STK32A: variants seen among roughly 807,000 people sequenced by gnomAD.
STK32A encodes the protein serine/threonine-protein kinase 32A.
A neutral mutation model predicts 53.2 loss-of-function variants in STK32A; 41 were observed. The ratio of observed to expected loss-of-function variants is 0.77; its 90% CI spans 0.60 to 1.00. The LOEUF (loss-of-function observed/expected upper bound fraction) is 1.00. STK32A is among the 50% of genes least tolerant of loss of function. STK32A has a pLI of 0.00. For synonymous variants in STK32A, 166 were observed against 162.8 expected, an observed-to-expected ratio of 1.02 and a Z score of -0.15; for missense variants, 458 against 485.8, an observed-to-expected ratio of 0.94 and a Z score of 0.54.
Position 147,316,638 on chromosome 5 carries a change from G to A in STK32A, c.261-7260G>A, listed in dbSNP as rs1754000855. Among the ~76,000 whole-genome samples, 5 of 152,006 alleles carry A rather than the reference G, an allele frequency of 3.3e-5. No homozygotes were observed. The South Asian group carries it at 1.0e-3, about 32-fold the overall frequency. On this transcript the variant is annotated intron_variant, in intron 4 of 12. Transcript: ENST00000397936. The stretch of plus-strand genomic sequence containing the variant: ...ATCATTTTGAAAAGTGGTAAATAAA[G>A]GAAAGACTTCAGTTCAAGACCAGTC...
intron 2 of STK32A, among the ~76,000 whole-genome samples, chr5:147,256,502 T>G (rs539443127): frequency 6.6e-6 from 1 of 152,212 alleles, no homozygotes; most frequent in East Asian, 1.9e-4. Flanking sequence ...TAAGTCTTTG[T>G]TTTTTTGTTG....
At chr5:147,308,113 AT>A (rs1048574651) in intron 4 of STK32A, among the ~76,000 whole-genome samples, 2 of 150,158 alleles carry the variant, frequency 1.3e-5, no homozygotes, top group African/African-American at 4.9e-5. Flanking sequence ...TCTTTTTAAA[AT>A]ATCAAATTTC....
chr5:147,291,669 C>T (rs1752606956), intron 4 of STK32A, among the ~76,000 whole-genome samples: 1 of 151,966 alleles, frequency 6.6e-6, no homozygotes, highest in South Asian at 2.1e-4. Flanking sequence ...CTTGTTGTAG[C>T]AGGAAATAAT....
chr5:147,378,425 A>C (rs776325282), intron 11 of STK32A, among the ~76,000 whole-genome samples: 1 of 152,152 alleles, frequency 6.6e-6, no homozygotes, highest in Non-Finnish European at 1.5e-5. Context: ...GCTGTGTTCA[A>C]AAGGCTTGTG....
chr5:147,319,711 T>G (rs1754204032), intron 4 of STK32A, among the ~76,000 whole-genome samples: 1 of 152,196 alleles, frequency 6.6e-6, no homozygotes, highest in Non-Finnish European at 1.5e-5. Flanking sequence ...CTTGCTATTC[T>G]TCAGGGATCT....
intron 4 of STK32A, among the ~76,000 whole-genome samples, chr5:147,310,156 T>C (rs998818091): frequency 2.0e-5 from 3 of 152,158 alleles, no homozygotes; most frequent in Non-Finnish European, 2.9e-5. Context: ...AAATAGAGAA[T>C]AGTAGAGCCC....
chr5:147,255,420 C>T (rs1754184950), intron 2 of STK32A, among the ~76,000 whole-genome samples: 2 of 152,076 alleles, frequency 1.3e-5, no homozygotes, highest in African/African-American at 4.8e-5. Flanking sequence ...ACACAGCACC[C>T]GACAAGAATA....
the STK32A span, chr5:147,393,994 ATC>A: frequency 1.9e-6 from 3 of 1,602,442 alleles, no homozygotes; most frequent in South Asian, 3.3e-5. Context: ...CTTCAAAACA[ATC>A]TCTTCTTGCT....
intron 4 of STK32A, among the ~76,000 whole-genome samples, chr5:147,288,464 AC>A (rs1361953832): frequency 1.2e-4 from 19 of 152,132 alleles, no homozygotes; most frequent in Admixed American, 9.2e-4. Flanking sequence ...AATACCTGAG[AC>A]TGGGTAATTT....
the STK32A span, among the ~76,000 whole-genome samples, chr5:147,395,240 A>G: frequency 2.0e-5 from 3 of 152,216 alleles, no homozygotes; most frequent in Non-Finnish European, 2.9e-5. Context: ...CTCATAGGCT[A>G]ATGCTGGAAA....
chr5:147,392,075 A>G (rs1757826679), downstream of STK32A: 1 of 152,194 alleles, frequency 6.6e-6, no homozygotes, highest in Non-Finnish European at 1.5e-5. Context: ...AACCTATCCC[A>G]AAGTAACAGC....
At chr5:147,401,865 C>CCCACCTTTT in the STK32A span, 1 of 665,570 alleles carries the variant, frequency 1.5e-6, no homozygotes, top group Non-Finnish European at 2.3e-6. Flanking sequence ...TTCCTATCTG[C>CCCACCTTTT]TAAATGTGAC....
chr5:147,281,002 G>A (rs77855551), intron 4 of STK32A, among the ~76,000 whole-genome samples: 1,581 of 152,276 alleles, frequency 0.01, 35 homozygotes, highest in African/African-American at 0.036. Context: ...GAGCTGGGTA[G>A]GCTAGCTGGG....
intron 4 of STK32A, among the ~76,000 whole-genome samples, chr5:147,308,510 C>T (rs963098087): frequency 4.6e-5 from 7 of 152,038 alleles, no homozygotes; most frequent in Non-Finnish European, 4.4e-5. Context: ...TTCATTTCTT[C>T]CCTTTCAATC....
At chr5:147,370,398 C>G (rs1028967389) in intron 8 of STK32A, among the ~76,000 whole-genome samples, 3 of 152,074 alleles carry the variant, frequency 2.0e-5, no homozygotes, top group Non-Finnish European at 4.4e-5. Flanking sequence ...TTTTGTTTGG[C>G]TCAGTGGAGT....
At chr5:147,271,337 A>C (rs1281064614) in intron 2 of STK32A, among the ~76,000 whole-genome samples, 3 of 152,134 alleles carry the variant, frequency 2.0e-5, no homozygotes, top group Non-Finnish European at 2.9e-5. Context: ...TTAATCTCTT[A>C]ATCCTGTCAT....
the STK32A span, among the ~76,000 whole-genome samples, chr5:147,399,560 G>A: frequency 6.6e-6 from 1 of 152,254 alleles, no homozygotes; most frequent in Non-Finnish European, 1.5e-5. Flanking sequence ...GGATTATGGA[G>A]AGTTCACAGT....
At chr5:147,239,066 G>A (rs1753452519) in intron 1 of STK32A, among the ~76,000 whole-genome samples, 1 of 152,106 alleles carries the variant, frequency 6.6e-6, no homozygotes, top group Admixed American at 6.6e-5. Flanking sequence ...TTGAAATTCA[G>A]CAATTTGCTG....
chr5:147,375,032 C>T lies in STK32A; in HGVS notation c.904-58C>T, dbSNP rs376335004. Reference sequence around the variant, plus strand: ...AGTATTATTTTCCGTATTAGGTCTGCTGTGTTTTTCAGAATGATACAGTAA... The same window carrying T: ...AGTATTATTTTCCGTATTAGGTCTGTTGTGTTTTTCAGAATGATACAGTAA... On this transcript the variant is annotated intron_variant, in intron 10 of 12. Transcript: ENST00000397936. 282 of 1,507,138 alleles carry T rather than the reference C, an allele frequency of 1.9e-4. 1 individual carries two copies. The African/African-American group carries it at 2.8e-3, about 15-fold the overall frequency. The allele number at this position is 1,507,138 out of a possible 1,614,324, so 93.4% of individuals were successfully genotyped here. A position where few individuals can be genotyped will look rare whatever the true frequency, so the allele number is the denominator to read the frequency against.
Sources: allele counts gnomAD v4.1 joint callset (sites outside exome capture counted in the v4.1 genomes callset), GRCh38; gene constraint gnomAD v4.1.1; transcripts MANE v1.5; gene names NCBI Gene and HGNC (gene_info 2026-07-23, HGNC 2026-07-21).